ANKRD6: variants seen among roughly 807,000 people sequenced by gnomAD.
ANKRD6 encodes the protein ankyrin repeat domain-containing protein 6.
Under a neutral mutation model 82.3 loss-of-function variants are expected in ANKRD6, and 56 were observed. The ratio of observed to expected loss-of-function variants is 0.68; its 90% CI spans 0.55 to 0.85. The LOEUF is 0.85. ANKRD6 is among the 40% of genes least tolerant of loss of function. The pLI is 0.00. For missense variants in ANKRD6, 852 were observed against 907.6 expected, an observed-to-expected ratio of 0.94 and a Z score of 0.79; for synonymous variants, 347 against 352.1, an observed-to-expected ratio of 0.99 and a Z score of 0.16.
chr6:89,507,622 G>C (rs923851214), intron 1 of ANKRD6, among the ~76,000 whole-genome samples: 2 of 152,148 alleles, frequency 1.3e-5, no homozygotes, highest in African/African-American at 4.8e-5. Context: ...GGAAGAAATA[G>C]GTTACCTTTG....
At chr6:89,577,449 A>G (rs1372663293) in intron 2 of ANKRD6, among the ~76,000 whole-genome samples, 2 of 152,220 alleles carry the variant, frequency 1.3e-5, no homozygotes, top group East Asian at 1.9e-4. Flanking sequence ...GCTTTAGTCA[A>G]ATACCTTCTG....
intron 6 of ANKRD6, among the ~76,000 whole-genome samples, chr6:89,613,530 C>T (rs1400328757): frequency 6.6e-6 from 1 of 152,160 alleles, no homozygotes; most frequent in African/African-American, 2.4e-5. Context: ...TCATGGGGAG[C>T]AGACGTCTAG....
At chr6:89,528,442 C>T (rs1447788536) in intron 1 of ANKRD6, among the ~76,000 whole-genome samples, 7 of 152,242 alleles carry the variant, frequency 4.6e-5, no homozygotes, top group African/African-American at 9.6e-5. Flanking sequence ...GCAATTCAGT[C>T]ACATCTTCAG....
In ANKRD6 at chr6:89,631,651, A is replaced by AGT. The variant is rs1807424034; in HGVS notation, c.*648_*649insTG. The AGT allele has an allele frequency of 6.6e-6, 1 of 152,246 alleles. No individual in the cohort carries two copies. The highest frequency in any genetic ancestry group is 6.5e-5 in the Admixed American group (1 of 15,280). 9.4% of individuals were successfully genotyped at this position (152,246 alleles called of 1,614,324 possible). Reference sequence around the variant, plus strand: ...TTTAAATAATGAATAATTGGCTAACAGCTCTGGAAACAATGAGATCAAATG... The same window carrying AGT: ...TTTAAATAATGAATAATTGGCTAACAGTGCTCTGGAAACAATGAGATCAAATG... On this transcript the variant is annotated 3_prime_UTR_variant, in exon 16 of 16. Coordinates refer to ENST00000339746, the MANE Select transcript of ANKRD6 (RefSeq NM_001242809.2).
chr6:89,511,418 C>T (rs1348823208), intron 1 of ANKRD6, among the ~76,000 whole-genome samples: 2 of 152,162 alleles, frequency 1.3e-5, no homozygotes, highest in Non-Finnish European at 2.9e-5. Flanking sequence ...CCCTGTTTGC[C>T]TTAAGTACTC....
chr6:89,599,333 A>G (rs1196384462), intron 3 of ANKRD6, among the ~76,000 whole-genome samples: 1 of 152,216 alleles, frequency 6.6e-6, no homozygotes, highest in Non-Finnish European at 1.5e-5. Context: ...AGATCATGCC[A>G]CTGCACTCTA....
chr6:89,568,792 G>A (rs1789108528), intron 2 of ANKRD6, among the ~76,000 whole-genome samples: 2 of 152,038 alleles, frequency 1.3e-5, no homozygotes, highest in South Asian at 4.2e-4. Flanking sequence ...CTGACCACGC[G>A]GGTACCCTGA....
intron 1 of ANKRD6, among the ~76,000 whole-genome samples, chr6:89,476,742 G>A (rs547538112): frequency 1.2e-4 from 19 of 152,282 alleles, no homozygotes; most frequent in Non-Finnish European, 2.2e-4. Context: ...AAAAAAATAG[G>A]ATGACACATA....
At chr6:89,515,527 G>T (rs1184581006) in intron 1 of ANKRD6, among the ~76,000 whole-genome samples, 1 of 152,140 alleles carries the variant, frequency 6.6e-6, no homozygotes. Flanking sequence ...TGTCTGCCCT[G>T]CCAAAGACAT....
chr6:89,452,998 A>C (rs537593475), intron 1 of ANKRD6, among the ~76,000 whole-genome samples: 1 of 152,306 alleles, frequency 6.6e-6, no homozygotes, highest in African/African-American at 2.4e-5. Flanking sequence ...GATTTGAGCC[A>C]GTAACATTAT....
In ANKRD6 at chr6:89,607,892, C is replaced by T. The variant is rs1799196659; in HGVS notation, c.417+1787C>T. ...TGAACTCCTGACCCCGTGATCTGCCCGCCTCAGCCTCCTAAGTATCTGGGC... is the reference window on the plus strand; with the variant it reads ...TGAACTCCTGACCCCGTGATCTGCCTGCCTCAGCCTCCTAAGTATCTGGGC... On this transcript the variant is annotated intron_variant, in intron 5 of 15. Transcript: ENST00000339746. Among the ~76,000 whole-genome samples the T allele has an allele frequency of 1.9e-5, 2 of 103,166 alleles. 1 individual carries two copies. The highest frequency in any genetic ancestry group is 9.0e-5 in the African/African-American group (2 of 22,178). The allele number at this position is 103,166 out of a possible 152,430, so 67.7% of individuals were successfully genotyped here. A position where few individuals can be genotyped will look rare whatever the true frequency, so the allele number is the denominator to read the frequency against.
Position 89,630,791 on chromosome 6 carries a change from C to T in ANKRD6, c.1971C>T (p.His657=). The change falls in exon 16 of 16, where the codon CAC becomes CAT. Residue 657 remains histidine (H), a synonymous_variant. Coordinates refer to ENST00000339746, the MANE Select transcript of ANKRD6 (RefSeq NM_001242809.2). ...PATGSEQTGP[H]IRDTSQALEL... is the part of the protein sequence containing the mutation. Reference sequence around the variant, plus strand: ...CAGGCAGCGAGCAGACTGGCCCTCACATTCGGGACACCTCCCAAGCTCTGG... The same window carrying T: ...CAGGCAGCGAGCAGACTGGCCCTCATATTCGGGACACCTCCCAAGCTCTGG... The T allele has an allele frequency of 6.2e-7, 1 of 1,613,982 alleles. No homozygotes were observed.
chr6:89,550,055 C>T (rs1328725467), intron 1 of ANKRD6, among the ~76,000 whole-genome samples: 1 of 152,090 alleles, frequency 6.6e-6, no homozygotes, highest in Non-Finnish European at 1.5e-5. Flanking sequence ...CTGATTGTGT[C>T]ACTGCACTCC....
rs57887488 is a variant in ANKRD6 at position 89,507,542 on chromosome 6, G to C, written c.-143-59292G>C. 2.0e-5 allele frequency among the ~76,000 whole-genome samples: 3 copies of C among 152,314 alleles called. No individual in the cohort carries two copies. The South Asian group carries it at 6.2e-4, about 32-fold the overall frequency. ...GCAGGGAATTAAGCTAGCCTAATTA[G>C]TTTGGGAACTAAATCAGACAGAACA... is the stretch of plus-strand genomic sequence containing the variant. On this transcript the variant is annotated intron_variant, in intron 1 of 15. Coordinates refer to ENST00000339746, the MANE Select transcript of ANKRD6 (RefSeq NM_001242809.2).
intron 1 of ANKRD6, among the ~76,000 whole-genome samples, chr6:89,482,168 C>T (rs533967149): frequency 6.6e-6 from 1 of 152,298 alleles, no homozygotes; most frequent in African/African-American, 2.4e-5. Flanking sequence ...ACATTCAATT[C>T]ACTATAAAAC....
chr6:89,589,072 A>G lies in ANKRD6; in HGVS notation c.121-6844A>G, dbSNP rs150158644. 8.7e-4 allele frequency among the ~76,000 whole-genome samples: 132 copies of G among 150,976 alleles called. 1 individual carries two copies. The South Asian group carries it at 0.012, about 13-fold the overall frequency. ...CCTTTCCTTCTCACTTTTCAGGTGC[A>G]TTCTGTTGGGACGGGTCTTGTCCAG... On this transcript the variant is annotated intron_variant, in intron 2 of 15. Transcript: ENST00000339746.
chr6:89,475,021 T>C (rs920171452), intron 1 of ANKRD6, among the ~76,000 whole-genome samples: 2 of 152,252 alleles, frequency 1.3e-5, no homozygotes, highest in Non-Finnish European at 2.9e-5. Context: ...TTAACTTATA[T>C]TCTTGTATTC....
rs71024383 is a variant in ANKRD6 at position 89,578,286 on chromosome 6, C to CTTTTTTTTTTTTTTTTT, written c.120+11200_120+11216dup. On this transcript the variant is annotated intron_variant, in intron 2 of 15. Coordinates refer to ENST00000339746, the MANE Select transcript of ANKRD6 (RefSeq NM_001242809.2). ...ATTAGCTTTTTCCCCCTCCCGCCTC[C>CTTTTTTTTTTTTTTTTT]TTTTTTTTTTTTTTTTTTTTTTTTT... is the stretch of plus-strand genomic sequence containing the variant. Among the ~76,000 whole-genome samples, 4 of 119,098 alleles carry CTTTTTTTTTTTTTTTTT rather than the reference C, an allele frequency of 3.4e-5. 2 individuals carry two copies. 78.1% of individuals were successfully genotyped at this position (119,098 alleles called of 152,430 possible). A position where few individuals can be genotyped will look rare whatever the true frequency, so the allele number is the denominator to read the frequency against.
intron 4 of ANKRD6, 53 bp from the exon 5 acceptor site, chr6:89,605,954 A>G: frequency 7.5e-7 from 1 of 1,330,994 alleles, no homozygotes; most frequent in Non-Finnish European, 1.0e-6. Context: ...GATCATAATG[A>G]GAAGAATTAG....
Sources: allele counts gnomAD v4.1 joint callset (sites outside exome capture counted in the v4.1 genomes callset), GRCh38; gene constraint gnomAD v4.1.1; transcripts MANE v1.5; gene names NCBI Gene and HGNC (gene_info 2026-07-23, HGNC 2026-07-21).